NSUN2: variants seen among roughly 807,000 people sequenced by gnomAD.
The protein encoded by NSUN2 is NOP2/Sun RNA methyltransferase 2.
NSUN2 carries 63 observed loss-of-function variants against 92.7 expected under a neutral mutation model. That is an observed-to-expected ratio of 0.68 (90% CI 0.56 to 0.84). The LOEUF is 0.84. Among genes scored for constraint, NSUN2 ranks in the 40% least tolerant of loss-of-function variants. The pLI, the probability that NSUN2 is intolerant of heterozygous loss-of-function variation, is 0.00. For missense variants in NSUN2, 989 were observed against 964.9 expected (o/e 1.02, Z -0.33); for synonymous variants, 356 against 348.3 (o/e 1.02, Z -0.25).
chr5:6,601,298 A>T (rs1195511923), intron 18 of NSUN2, among the ~76,000 whole-genome samples: 1 of 151,800 alleles, frequency 6.6e-6, no homozygotes, highest in East Asian at 1.9e-4. Flanking sequence ...GCCACATGGG[A>T]CTGTTATTTT....
Position 6,609,910 on chromosome 5 carries a change from T to C in NSUN2, c.1239A>G (p.Leu413=), listed in dbSNP as rs1199282352. 5 of 1,609,912 alleles carry C rather than the reference T, an allele frequency of 3.1e-6. No individual in the cohort carries two copies. In the South Asian group the frequency reaches 4.4e-5, roughly 14 times the overall value. Residue 413 remains leucine, a synonymous_variant, in exon 12 of 19, where the codon TTA becomes TTG. Coordinates refer to ENST00000264670, the MANE Select transcript of NSUN2 (RefSeq NM_017755.6). The stretch of plus-strand genomic sequence containing the variant: ...ACCCTCCAGTATTCTGATGATGGGG[T>C]AATATCCTAAGGCTAAATATATATA... ...AMHLERCLRI[L]PHHQNTGGFF... is the part of the protein sequence containing the mutation.
chr5:6,624,929 C>T (rs950070409), intron 4 of NSUN2, among the ~76,000 whole-genome samples: 28 of 152,056 alleles, frequency 1.8e-4, no homozygotes, highest in African/African-American at 5.6e-4. Context: ...AGCTGTTTTG[C>T]TGGGGATGCT....
At chr5:6,626,829 C>A (rs982353297) in intron 3 of NSUN2, among the ~76,000 whole-genome samples, 2 of 152,210 alleles carry the variant, frequency 1.3e-5, no homozygotes, top group Non-Finnish European at 2.9e-5. Flanking sequence ...CAGTAATACA[C>A]TCAATTTAAC....
At chr5:6,622,238 T>A (rs1473497058) in intron 5 of NSUN2, 138 bp from the exon 6 acceptor site, 3 of 665,264 alleles carry the variant, frequency 4.5e-6, no homozygotes, top group Non-Finnish European at 7.6e-6. Context: ...CATGACATAA[T>A]TTACTTTTAG....
intron 9 of NSUN2, 117 bp from the exon 10 acceptor site, chr5:6,611,915 C>G: frequency 5.7e-6 from 5 of 872,458 alleles, no homozygotes; most frequent in Non-Finnish European, 7.1e-6. Flanking sequence ...CAGAAAATGT[C>G]CAGGGAAGGC....
chr5:6,601,791 G>C (rs1185382495), intron 18 of NSUN2, among the ~76,000 whole-genome samples: 3 of 152,092 alleles, frequency 2.0e-5, no homozygotes, highest in Non-Finnish European at 4.4e-5. Context: ...ACCCCATTCT[G>C]TTTCCTCCTC....
chr5:6,612,623 T>C (rs1266262933), intron 9 of NSUN2, among the ~76,000 whole-genome samples: 1 of 152,084 alleles, frequency 6.6e-6, no homozygotes, highest in Non-Finnish European at 1.5e-5. Flanking sequence ...ATGGGACAAT[T>C]ACAAAAACAA....
intron 4 of NSUN2, among the ~76,000 whole-genome samples, chr5:6,623,760 T>C (rs1365046861): frequency 6.6e-6 from 1 of 152,234 alleles, no homozygotes; most frequent in Non-Finnish European, 1.5e-5. Context: ...CTATTTCTCA[T>C]AACTACCTTT....
At chr5:6,629,759 C>T (rs957859558) in intron 3 of NSUN2, among the ~76,000 whole-genome samples, 5 of 152,232 alleles carry the variant, frequency 3.3e-5, no homozygotes, top group East Asian at 1.9e-4. Flanking sequence ...ATTAAATCCC[C>T]GGGCCGTTTC....
chr5:6,612,876 A>AT lies in NSUN2; in HGVS notation c.1022-1079dup, dbSNP rs1737060506. Among the ~76,000 whole-genome samples, 3 of 152,316 alleles carry AT rather than the reference A, an allele frequency of 2.0e-5. No homozygotes were observed. In the South Asian group the frequency reaches 6.2e-4, roughly 32 times the overall value. On this transcript the variant is annotated intron_variant, in intron 9 of 18. Transcript: ENST00000264670. ...GGTTGGAAGCTGCCAATGCTACCCC[A>AT]TGTTGCCCCTTCTCCAGTAAAGTTG...
rs183923634 is a variant in NSUN2, at chr5:6,599,243, T to C, written c.*683A>G. 3.5e-4 allele frequency: 53 copies of C among 152,774 alleles called. No individual in the cohort carries two copies. Among genetic ancestry groups the C allele is most frequent in the Non-Finnish European group, 4.7e-4 (32 of 68,042 alleles). The allele number at this position is 152,774 out of a possible 1,614,324, so 9.5% of individuals were successfully genotyped here. On this transcript the variant is annotated 3_prime_UTR_variant, in exon 19 of 19. Coordinates refer to ENST00000264670, the MANE Select transcript of NSUN2 (RefSeq NM_017755.6). Reference sequence around the variant, plus strand: ...AAAACAGGAATCACACATGTATATATTTTATCAATTTTATTGAAATATTCC... The same window carrying C: ...AAAACAGGAATCACACATGTATATACTTTATCAATTTTATTGAAATATTCC...
intron 14 of NSUN2, among the ~76,000 whole-genome samples, chr5:6,606,584 CCA>C (rs1736780748): frequency 6.6e-6 from 1 of 151,918 alleles, no homozygotes; most frequent in Non-Finnish European, 1.5e-5. Flanking sequence ...CGCGCCCGGT[CCA>C]GTTTTTTTTT....
At chr5:6,604,713 CAG>C (rs1560971762) in intron 15 of NSUN2, 28 bp from the exon 16 acceptor site, 2 of 1,576,890 alleles carry the variant, frequency 1.3e-6, no homozygotes, top group East Asian at 4.5e-5. Context: ...AGATGAAACA[CAG>C]AGAGATGAAG....
chr5:6,616,930 T>G (rs1244553573), intron 8 of NSUN2, 73 bp from the exon 9 acceptor site: 4 of 1,333,938 alleles, frequency 3.0e-6, no homozygotes, highest in African/African-American at 1.5e-5. Context: ...CACCTCCTTA[T>G]GTCACATATT....
chr5:6,625,416 T>C, intron 4 of NSUN2, 148 bp downstream of exon 4: 1 of 599,782 alleles, frequency 1.7e-6, no homozygotes, highest in South Asian at 2.1e-5. Flanking sequence ...TAATCAGAAA[T>C]CACAGGTGGT....
rs897996133 is a variant in NSUN2 at position 6,604,622 on chromosome 5, A to G, written c.1801T>C (p.Phe601Leu). The change falls in exon 16 of 19, where the codon TTC (phenylalanine) becomes CTC (leucine). Residue 601 changes from phenylalanine (F) to leucine (L), a missense_variant. By Grantham distance (22) the Phe-to-Leu change is conservative (BLOSUM62 0). Transcript: ENST00000264670. The part of the protein sequence containing the change: ...NNSGEEFDCA[F>L]RLAQEGIYTL... Reference sequence around the variant, plus strand: ...AAAATTACCTCCTGTGCCAGCCGGAAAGCACAGTCAAACTCTTCACCGCTG... The same window carrying G: ...AAAATTACCTCCTGTGCCAGCCGGAGAGCACAGTCAAACTCTTCACCGCTG... The G allele has an allele frequency of 1.9e-6, 3 of 1,614,032 alleles. No individual in the cohort carries two copies. Among genetic ancestry groups the G allele is most frequent in the South Asian group, 1.1e-5 (1 of 91,088 alleles).
In NSUN2 at chr5:6,618,000, G is replaced by A. The variant is rs781633209; in HGVS notation, c.840C>T (p.Asn280=). ...PCSGDGTMRK[N]IDVWKKWTTL... ...TGGTCCACTTTTTCCAAACATCAAT[G>A]TTTTTTCTCATAGTGCCGTCTCCAC... Residue 280 remains asparagine (N), a synonymous_variant, in exon 8 of 19, where the codon AAC becomes AAT. Transcript: ENST00000264670. The A allele has an allele frequency of 1.2e-6, 2 of 1,613,632 alleles. No homozygotes were observed. The highest frequency in any genetic ancestry group is 1.7e-6 in the Non-Finnish European group (2 of 1,179,692).
intron 18 of NSUN2, among the ~76,000 whole-genome samples, chr5:6,600,535 C>G (rs183422329): frequency 1.6e-4 from 25 of 152,304 alleles, no homozygotes; most frequent in Non-Finnish European, 2.9e-4. Context: ...CCTTCTCAAA[C>G]TTAACTTACT....
At chr5:6,618,709 CTTTTA>C (rs1159606706) in intron 7 of NSUN2, among the ~76,000 whole-genome samples, 3 of 152,092 alleles carry the variant, frequency 2.0e-5, no homozygotes, top group Non-Finnish European at 2.9e-5. Flanking sequence ...TGACTTTCTA[CTTTTA>C]TTTAATGGAA....
Sources: gnomAD v4.1 joint callset for allele counts (sites outside exome capture counted in the v4.1 genomes callset) on GRCh38, gnomAD v4.1.1 for gene constraint, MANE v1.5 for transcripts, NCBI Gene and HGNC (gene_info 2026-07-23, HGNC 2026-07-21) for gene names.